Variants in KIAA0825 observed in about 807,000 individuals in gnomAD.
The protein encoded by KIAA0825 is KIAA0825.
In KIAA0825, 119 loss-of-function variants were observed where a neutral mutation model predicts 147.6. That is an observed-to-expected ratio of 0.81 (90% CI 0.69 to 0.94). The LOEUF is 0.94. Among genes scored for constraint, KIAA0825 ranks in the 40% least tolerant of loss-of-function variants. KIAA0825 has a pLI of 0.00. For missense variants in KIAA0825, 1,381 were observed against 1,472.7 expected (o/e 0.94, Z 1.02); for synonymous variants, 470 against 518.1 (o/e 0.91, Z 1.26).
intron 2 of KIAA0825, among the ~76,000 whole-genome samples, chr5:94,548,417 A>C (rs1338069654): frequency 6.6e-6 from 1 of 152,198 alleles, no homozygotes; most frequent in Non-Finnish European, 1.5e-5. Context: ...CAGTGGATAC[A>C]CAAAAAATAA....
rs141063237 is a variant in KIAA0825 at position 94,255,895 on chromosome 5, A to G, written c.3711-101771T>C. On this transcript the variant is annotated intron_variant, in intron 20 of 20. Transcript: ENST00000682413. The stretch of plus-strand genomic sequence containing the variant: ...TGCCAAGCTAATTTTTGTATTTTTT[A>G]TAGAGACGAGGTCTCATTATCTTAC... 9.9e-5 allele frequency among the ~76,000 whole-genome samples: 15 copies of G among 151,262 alleles called. No individual in the cohort carries two copies. The East Asian group carries it at 2.9e-3, about 30-fold the overall frequency.
intron 20 of KIAA0825, among the ~76,000 whole-genome samples, chr5:94,330,489 A>G (rs1351907968): frequency 1.3e-5 from 2 of 152,142 alleles, no homozygotes; most frequent in Non-Finnish European, 2.9e-5. Context: ...AGGAAGTCTC[A>G]AGGGCAGTTA....
chr5:94,260,639 CA>C (rs1237836742), intron 20 of KIAA0825, among the ~76,000 whole-genome samples: 1 of 152,098 alleles, frequency 6.6e-6, no homozygotes, highest in Non-Finnish European at 1.5e-5. Context: ...ACAAGAAAGA[CA>C]GTTAATTTGG....
intron 12 of KIAA0825, among the ~76,000 whole-genome samples, chr5:94,459,953 A>G (rs9314112): frequency 0.5 from 75,918 of 151,852 alleles, 19,169 homozygotes; most frequent in South Asian, 0.56. Context: ...ACTTGTGGCA[A>G]ATATTACATC....
At chr5:94,437,402 A>G (rs1756514935) in intron 14 of KIAA0825, among the ~76,000 whole-genome samples, 2 of 152,184 alleles carry the variant, frequency 1.3e-5, no homozygotes. Context: ...TCAATACAAG[A>G]CAATATCACT....
At chr5:94,315,174 C>A (rs1779533136) in intron 20 of KIAA0825, among the ~76,000 whole-genome samples, 1 of 151,574 alleles carries the variant, frequency 6.6e-6, no homozygotes, top group Non-Finnish European at 1.5e-5. Context: ...AATAAATTAG[C>A]CTAATTTTCT....
chr5:94,511,681 T>C (rs1766499666), intron 5 of KIAA0825, among the ~76,000 whole-genome samples: 1 of 151,766 alleles, frequency 6.6e-6, no homozygotes, highest in Non-Finnish European at 1.5e-5. Flanking sequence ...TGGGGCAGAT[T>C]TGTTTTATAC....
At chr5:94,600,802 TG>T (rs1159984497) in intron 1 of KIAA0825, among the ~76,000 whole-genome samples, 2 of 152,190 alleles carry the variant, frequency 1.3e-5, no homozygotes, top group African/African-American at 4.8e-5. Context: ...TACAAAAGTG[TG>T]ACCAGATTGC....
chr5:94,247,195 G>C (rs2150113881), intron 20 of KIAA0825, among the ~76,000 whole-genome samples: 1 of 152,160 alleles, frequency 6.6e-6, no homozygotes, highest in Non-Finnish European at 1.5e-5. Context: ...TGTGTATTTT[G>C]TCTCTAAAAG....
At chr5:94,194,221 C>T (rs754951649) in intron 20 of KIAA0825, among the ~76,000 whole-genome samples, 3 of 152,144 alleles carry the variant, frequency 2.0e-5, no homozygotes, top group African/African-American at 7.2e-5. Flanking sequence ...ATGCTGAAAG[C>T]CATTCTTTTA....
chr5:94,307,385 G>A (rs1778811790), intron 20 of KIAA0825, among the ~76,000 whole-genome samples: 1 of 151,550 alleles, frequency 6.6e-6, no homozygotes, highest in Non-Finnish European at 1.5e-5. Context: ...TTCTTCAATT[G>A]TTATGGTTTT....
In KIAA0825 at chr5:94,403,621, T is replaced by G. The variant is rs1014004070; in HGVS notation, c.2835A>C (p.Pro945=). Residue 945 remains proline (P), a synonymous_variant, in exon 16 of 21, where the codon CCA becomes CCC. Transcript: ENST00000682413. ...CTTTTGGACTATAATTCCATTCCTTTGGCATGCTCTCAAGCAAACAATCAG... is the reference window on the plus strand; with the variant it reads ...CTTTTGGACTATAATTCCATTCCTTGGGCATGCTCTCAAGCAAACAATCAG... ...IVPDCLLESM[P]KEWNYSPKET... is the part of the protein sequence containing the mutation. The G allele has an allele frequency of 3.9e-6, 6 of 1,551,466 alleles. 1 individual carries two copies. The highest frequency in any genetic ancestry group is 3.3e-4 in the Middle Eastern group (2 of 6,010).
intron 7 of KIAA0825, among the ~76,000 whole-genome samples, chr5:94,475,714 CAA>C (rs1326855351): frequency 6.6e-6 from 1 of 152,104 alleles, no homozygotes; most frequent in African/African-American, 2.4e-5. Flanking sequence ...GAGGCTGAGA[CAA>C]GAGAATCGCT....
At chr5:94,531,581 G>A (rs2151298086) in intron 3 of KIAA0825, among the ~76,000 whole-genome samples, 1 of 152,298 alleles carries the variant, frequency 6.6e-6, no homozygotes, top group African/African-American at 2.4e-5. Flanking sequence ...GAGAACAAGG[G>A]TGCTGGAAAG....
chr5:94,593,145 G>A, intron 1 of KIAA0825: 1 of 747,102 alleles, frequency 1.3e-6, no homozygotes, highest in South Asian at 1.3e-5. Context: ...TCACACAACA[G>A]TTTGCTGGTG....
chr5:94,469,768 T>A (rs1760991631), intron 10 of KIAA0825, among the ~76,000 whole-genome samples, 193 bp downstream of exon 10: 1 of 152,180 alleles, frequency 6.6e-6, no homozygotes, highest in African/African-American at 2.4e-5. Context: ...GAAGGAGAGT[T>A]CTGATGTCTA....
At chr5:94,424,324 A>G (rs1754564825) in intron 14 of KIAA0825, among the ~76,000 whole-genome samples, 4 of 152,150 alleles carry the variant, frequency 2.6e-5, no homozygotes, top group Admixed American at 1.3e-4. Context: ...AAAAATGAAA[A>G]TCATAACAAA....
chr5:94,429,700 G>A (rs1044466776), intron 14 of KIAA0825, among the ~76,000 whole-genome samples: 1 of 152,216 alleles, frequency 6.6e-6, no homozygotes, highest in Non-Finnish European at 1.5e-5. Flanking sequence ...GGTGGAGCCA[G>A]ACCAGGCAGG....
At chr5:94,570,088 C>T (rs1779645938) in intron 2 of KIAA0825, 1 of 152,566 alleles carries the variant, frequency 6.6e-6, no homozygotes, top group Non-Finnish European at 1.5e-5. Flanking sequence ...CCTTCCACTT[C>T]ATTCTGCCCT....
Sources: gnomAD v4.1 joint callset for allele counts (sites outside exome capture counted in the v4.1 genomes callset) on GRCh38, gnomAD v4.1.1 for gene constraint, MANE v1.5 for transcripts, NCBI Gene and HGNC (gene_info 2026-07-23, HGNC 2026-07-21) for gene names.